The following GNA15 variants were observed in gnomAD, a reference collection of about 807,000 sequenced individuals.
GNA15 encodes the protein G protein subunit alpha 15, also known as guanine nucleotide-binding protein subunit alpha-15.
Under a neutral mutation model 40.1 loss-of-function variants are expected in GNA15, and 23 were observed. The ratio of observed to expected loss-of-function variants is 0.57; its 90% confidence interval spans 0.41 to 0.81. GNA15 has a LOEUF of 0.81. Among genes scored for constraint, GNA15 ranks in the 40% least tolerant of loss-of-function variants. The pLI is 0.00. For synonymous variants in GNA15, 226 were observed against 210.4 expected (o/e 1.07, Z -0.64); for missense variants, 522 against 515.8 (o/e 1.01, Z -0.12).
chr19:3,148,557 G>A, intron 1 of GNA15, 34 bp from the exon 2 acceptor site: 2 of 1,522,662 alleles, frequency 1.3e-6, no homozygotes, highest in Non-Finnish European at 1.8e-6. Context: ...GGAGTCCCGT[G>A]GAGGGCTGAG....
intron 1 of GNA15, among the ~76,000 whole-genome samples, chr19:3,137,645 G>A (rs1914485681): frequency 6.6e-6 from 1 of 152,168 alleles, no homozygotes; most frequent in African/African-American, 2.4e-5. Context: ...AGCCAGATGT[G>A]GTGGTGCGTG....
intron 1 of GNA15, 84 bp from the exon 2 acceptor site, chr19:3,148,507 G>A: frequency 7.4e-7 from 1 of 1,354,900 alleles, no homozygotes; most frequent in Non-Finnish European, 1.0e-6. Context: ...CTGGCGTGGA[G>A]TTGGGGGTGT....
At chr19:3,140,733 C>T (rs1414832846) in intron 1 of GNA15, among the ~76,000 whole-genome samples, 4 of 150,426 alleles carry the variant, frequency 2.7e-5, no homozygotes, top group African/African-American at 9.8e-5. Flanking sequence ...AGTAGATGCT[C>T]AAGAAATGCT....
At chr19:3,138,530 G>A (rs1914504428) in intron 1 of GNA15, among the ~76,000 whole-genome samples, 1 of 152,360 alleles carries the variant, frequency 6.6e-6, no homozygotes, top group Admixed American at 6.5e-5. Flanking sequence ...GTGGGAAGAG[G>A]CCGCCCGAGA....
At chr19:3,156,555 C>T (rs1261604899) in intron 5 of GNA15, among the ~76,000 whole-genome samples, 1 of 152,200 alleles carries the variant, frequency 6.6e-6, no homozygotes, top group Non-Finnish European at 1.5e-5. Context: ...TGCAGTGGCG[C>T]GATCTCGGCT....
At position 3,138,939 on chromosome 19, in the gene GNA15, CTTT is replaced by C. The variant is rs35552360; in HGVS notation, c.145+2357_145+2359del. 8.9e-4 allele frequency among the ~76,000 whole-genome samples: 94 copies of C among 105,640 alleles called. 3 individuals carry two copies. In the East Asian group the frequency reaches 0.024, roughly 28 times the overall value. 69.3% of individuals were successfully genotyped at this position (105,640 alleles called of 152,430 possible). On this transcript the variant is annotated intron_variant, in intron 1 of 6. Transcript: ENST00000262958. ...AGGCGTGAGCCACCGCGCCCAGCCT[CTTT>C]TTTTTTTTTTTTCTTTTTTTTTAGA...
chr19:3,143,878 TG>T (rs1309316448), intron 1 of GNA15, among the ~76,000 whole-genome samples: 1 of 151,478 alleles, frequency 6.6e-6, no homozygotes, highest in African/African-American at 2.4e-5. Flanking sequence ...CCCAGCACTT[TG>T]GGAGGACGAG....
At position 3,148,621 on chromosome 19, in the gene GNA15, T is replaced by A; in HGVS notation, c.176T>A (p.Ile59Asn). Reference sequence around the variant, plus strand: ...GGCGAGAGCGGGAAGAGCACCTTCATCAAGCAGATGCGGATCATCCACGGC... The same window carrying A: ...GGCGAGAGCGGGAAGAGCACCTTCAACAAGCAGATGCGGATCATCCACGGC... ...GPGESGKSTF[I>N]KQMRIIHGAG... Residue 59 changes from isoleucine (I) to asparagine (N), a missense_variant, in exon 2 of 7, where the codon ATC becomes AAC. Coordinates refer to ENST00000262958, the MANE Select transcript of GNA15 (RefSeq NM_002068.4). The A allele has an allele frequency of 6.3e-7, 1 of 1,586,942 alleles. No individual in the cohort carries two copies. The highest frequency in any genetic ancestry group is 8.6e-7 in the Non-Finnish European group (1 of 1,166,282).
intron 1 of GNA15, among the ~76,000 whole-genome samples, chr19:3,145,080 C>T (rs562389445): frequency 6.6e-6 from 1 of 152,024 alleles, no homozygotes; most frequent in South Asian, 2.1e-4. Context: ...GTCTCGAACT[C>T]CTGACCTGGT....
Position 3,157,778 on chromosome 19 carries a change from C to G in GNA15, c.795C>G (p.Pro265=). 2.5e-6 allele frequency: 4 copies of G among 1,613,770 alleles called. No homozygotes were observed. The highest frequency in any genetic ancestry group is 3.4e-6 in the Non-Finnish European group (4 of 1,179,636). Residue 265 remains proline (P), a synonymous_variant, in exon 6 of 7, where the codon CCC becomes CCG. Coordinates refer to ENST00000262958, the MANE Select transcript of GNA15 (RefSeq NM_002068.4). ...TGTTTGGGACTATCCTGGAACTACCCTGGTTCAAAAGCACATCCGTCATCC... is the reference window on the plus strand; with the variant it reads ...TGTTTGGGACTATCCTGGAACTACCGTGGTTCAAAAGCACATCCGTCATCC... ...LALFGTILEL[P]WFKSTSVILF...
At chr19:3,157,931 C>T (rs781063167) in intron 6 of GNA15, 50 bp downstream of exon 6, 30 of 1,405,810 alleles carry the variant, frequency 2.1e-5, no homozygotes, top group South Asian at 1.0e-4. Flanking sequence ...AAAGCAGCTC[C>T]GAAGAGAGAT....
intron 1 of GNA15, among the ~76,000 whole-genome samples, chr19:3,142,710 A>T (rs1914606295): frequency 1.3e-5 from 2 of 152,170 alleles, no homozygotes; most frequent in Middle Eastern, 6.8e-3. Context: ...CGTCTCTACT[A>T]AAAACACAAA....
chr19:3,153,640 ATGGG>A (rs1269483067), intron 4 of GNA15, among the ~76,000 whole-genome samples: 1 of 143,642 alleles, frequency 7.0e-6, no homozygotes, highest in African/African-American at 2.6e-5. Context: ...GGGTGAATGG[ATGGG>A]TGGGTGGATT....
At position 3,136,375 on chromosome 19, in the gene GNA15, G is replaced by T. The variant is rs370588174; in HGVS notation, c.-76G>T. 2.1e-6 allele frequency: 3 copies of T among 1,455,370 alleles called. No homozygotes were observed. In the Admixed American group the frequency reaches 7.1e-5, roughly 34 times the overall value. The allele number at this position is 1,455,370 out of a possible 1,614,324, so 90.2% of individuals were successfully genotyped here. A position where few individuals can be genotyped will look rare whatever the true frequency, so the allele number is the denominator to read the frequency against. ...GTTGCCCGGAGCCCTCTCCAGGGCC[G>T]GCTGGGCTGGGGGTTGCCCTGGCCA... is the stretch of plus-strand genomic sequence containing the variant. On this transcript the variant is annotated 5_prime_UTR_variant, in exon 1 of 7. Transcript: ENST00000262958. This position sits in a 1 kb window ranked among gnomAD's most constrained non-coding sequence, Gnocchi z 4.9.
chr19:3,157,988 T>C (rs1915069675), intron 6 of GNA15, 107 bp downstream of exon 6: 2 of 868,762 alleles, frequency 2.3e-6, no homozygotes, highest in Non-Finnish European at 3.8e-6. Flanking sequence ...AACTTTCACA[T>C]AGGATCAGAC....
intron 5 of GNA15, 39 bp from the exon 6 acceptor site, chr19:3,157,689 G>A: frequency 6.3e-7 from 1 of 1,594,822 alleles, no homozygotes; most frequent in Non-Finnish European, 8.6e-7. Flanking sequence ...GTCCCACCTG[G>A]CTGGTTGAAG....
chr19:3,144,591 T>TGG (rs1568294077), intron 1 of GNA15, among the ~76,000 whole-genome samples: 1 of 151,942 alleles, frequency 6.6e-6, no homozygotes. Flanking sequence ...TGCAGTGGCA[T>TGG]GATCTCGGCT....
intron 1 of GNA15, 142 bp from the exon 2 acceptor site, chr19:3,148,449 G>A (rs552129390): frequency 1.1e-5 from 8 of 739,596 alleles, no homozygotes; most frequent in African/African-American, 8.8e-5. Context: ...GCTAGCCTAG[G>A]GTCACTGAGT....
chr19:3,147,645 G>A (rs28620329), intron 1 of GNA15, among the ~76,000 whole-genome samples: 83,889 of 150,044 alleles, frequency 0.56, 23,549 homozygotes, highest in East Asian at 0.71. Context: ...GGTGGCTCAC[G>A]CTTGTAATCC....
Sources: allele counts gnomAD v4.1 joint callset (sites outside exome capture counted in the v4.1 genomes callset), GRCh38; gene constraint gnomAD v4.1.1; non-coding constraint Gnocchi (gnomAD v3.1); transcripts MANE v1.5; gene names NCBI Gene and HGNC (gene_info 2026-07-23, HGNC 2026-07-21).